The following MAD1L1 variants were observed in gnomAD, a reference collection of about 807,000 sequenced individuals.
MAD1L1 encodes mitotic spindle assembly checkpoint protein MAD1.
Under a neutral mutation model 96.9 loss-of-function variants are expected in MAD1L1, and 95 were observed. The observed-to-expected ratio is 0.98, with a 90% CI of 0.83 to 1.16. The LOEUF is 1.16. MAD1L1 is among the 50% of genes most tolerant of loss of function. The pLI is 0.00. For missense variants in MAD1L1, 1,007 were observed against 954.4 expected (o/e 1.06, Z -0.73); for synonymous variants, 473 against 396.6 (o/e 1.19, Z -2.29).
rs181310102 is a variant in MAD1L1, at chr7:2,153,282, C to T, written c.987-4044G>A. Among the ~76,000 whole-genome samples, 47 of 152,232 alleles carry T rather than the reference C, an allele frequency of 3.1e-4. No individual in the cohort carries two copies. The East Asian group carries it at 7.9e-3, about 26-fold the overall frequency. ...GAATGCAGGAAAATATCTGTCAACT[C>T]TTCGGCCAATAAGGGACTAACATCC... On this transcript the variant is annotated intron_variant, in intron 10 of 18. Coordinates refer to ENST00000265854, the MANE Select transcript of MAD1L1 (RefSeq NM_001013836.2).
intron 10 of MAD1L1, among the ~76,000 whole-genome samples, chr7:2,152,016 C>T (rs1361322755): frequency 7.6e-6 from 1 of 132,128 alleles, no homozygotes; most frequent in East Asian, 2.0e-4. Flanking sequence ...CAGGAGGCTG[C>T]TTCCGGGTGG....
intron 12 of MAD1L1, among the ~76,000 whole-genome samples, chr7:2,032,394 C>T (rs967509516): frequency 1.3e-5 from 2 of 152,194 alleles, no homozygotes; most frequent in Non-Finnish European, 1.5e-5. Context: ...GGTGGGAAAG[C>T]GCTTGCCCAG....
At chr7:1,861,332 A>G (rs1019581482) in intron 18 of MAD1L1, among the ~76,000 whole-genome samples, 6 of 152,194 alleles carry the variant, frequency 3.9e-5, no homozygotes, top group African/African-American at 1.4e-4. Flanking sequence ...TTTCCCAGTG[A>G]CAACGGGGCT....
intron 15 of MAD1L1, among the ~76,000 whole-genome samples, chr7:1,978,483 C>G (rs190633483): frequency 6.6e-6 from 1 of 152,320 alleles, no homozygotes; most frequent in African/African-American, 2.4e-5. Context: ...TTCCCCTCCC[C>G]AGGCCTGGCA....
At chr7:2,155,790 G>A (rs1016834273) in intron 10 of MAD1L1, among the ~76,000 whole-genome samples, 2 of 152,212 alleles carry the variant, frequency 1.3e-5, no homozygotes, top group Non-Finnish European at 2.9e-5. Context: ...TGTTCCAAAC[G>A]CTGCTTTTAA....
chr7:2,120,216 G>A (rs956447768), intron 11 of MAD1L1, among the ~76,000 whole-genome samples: 2 of 152,160 alleles, frequency 1.3e-5, no homozygotes, highest in African/African-American at 4.8e-5. Context: ...CTGTCCTTCA[G>A]GACCATTCCT....
chr7:2,220,236 C>A (rs1450665845), intron 5 of MAD1L1, among the ~76,000 whole-genome samples: 1 of 152,206 alleles, frequency 6.6e-6, no homozygotes, highest in Non-Finnish European at 1.5e-5. Context: ...GGCAGGAGCG[C>A]CCCTGGGGAG....
intron 18 of MAD1L1, among the ~76,000 whole-genome samples, chr7:1,868,514 T>A (rs1404436872): frequency 7.9e-6 from 1 of 126,262 alleles, no homozygotes; most frequent in Non-Finnish European, 1.7e-5. Flanking sequence ...ACAAAGAAAG[T>A]ACAGGCTCAG....
At chr7:2,081,335 G>A (rs759232042) in intron 11 of MAD1L1, among the ~76,000 whole-genome samples, 1 of 152,100 alleles carries the variant, frequency 6.6e-6, no homozygotes, top group Non-Finnish European at 1.5e-5. Flanking sequence ...AAAGTCCATC[G>A]AGTTCCCTCA....
At position 2,173,953 on chromosome 7, in the gene MAD1L1, G is replaced by A. The variant is rs75897964; in HGVS notation, c.987-24715C>T. On this transcript the variant is annotated intron_variant, in intron 10 of 18. Transcript: ENST00000265854. ...CCTGAGTACCTAGGACTACAAGCAG[G>A]CCAGCACACCCAGCTGCTGCTGCTA... 3.9e-4 allele frequency among the ~76,000 whole-genome samples: 60 copies of A among 152,216 alleles called. No individual in the cohort carries two copies. In the East Asian group the frequency reaches 0.01, roughly 25 times the overall value.
chr7:1,969,548 T>G (rs1488563115), intron 15 of MAD1L1, among the ~76,000 whole-genome samples: 8 of 152,126 alleles, frequency 5.3e-5, no homozygotes, highest in Non-Finnish European at 1.5e-5. Flanking sequence ...AGAAATAAAT[T>G]GTATCCAAAT....
intron 15 of MAD1L1, among the ~76,000 whole-genome samples, chr7:1,973,573 G>A (rs934691720): frequency 2.6e-5 from 4 of 152,122 alleles, no homozygotes; most frequent in Admixed American, 6.5e-5. Context: ...CCCCTAGAGC[G>A]GGAATGTGTA....
intron 11 of MAD1L1, among the ~76,000 whole-genome samples, chr7:2,095,460 T>C (rs1447925097): frequency 6.6e-6 from 1 of 152,234 alleles, no homozygotes; most frequent in Admixed American, 6.5e-5. Context: ...GCAGAAGAGA[T>C]GCAAAGCAGC....
chr7:1,938,432 C>A (rs1778725653), intron 16 of MAD1L1, among the ~76,000 whole-genome samples: 2 of 152,178 alleles, frequency 1.3e-5, no homozygotes, highest in African/African-American at 2.4e-5. Flanking sequence ...AAGAGTACAA[C>A]TGACCTTATA....
chr7:2,224,896 G>C (rs1237712692), intron 4 of MAD1L1, among the ~76,000 whole-genome samples: 4 of 152,114 alleles, frequency 2.6e-5, no homozygotes, highest in Non-Finnish European at 5.9e-5. Context: ...CCAAGACCCA[G>C]CATGGACCCG....
chr7:1,912,625 C>T (rs1788093769), intron 17 of MAD1L1, among the ~76,000 whole-genome samples: 1 of 152,168 alleles, frequency 6.6e-6, no homozygotes, highest in African/African-American at 2.4e-5. Context: ...GTCCTCAGAG[C>T]ACTCCCCTCT....
At chr7:2,021,253 A>C (rs1782776082) in intron 12 of MAD1L1, among the ~76,000 whole-genome samples, 1 of 152,172 alleles carries the variant, frequency 6.6e-6, no homozygotes, top group African/African-American at 2.4e-5. Flanking sequence ...CAAAAACTCC[A>C]CACTTAGCCA....
At chr7:1,851,693 G>A (rs1045400895) in intron 18 of MAD1L1, among the ~76,000 whole-genome samples, 6 of 152,202 alleles carry the variant, frequency 3.9e-5, no homozygotes, top group Non-Finnish European at 2.9e-5. Flanking sequence ...GGAAGGTGCT[G>A]GGGACACAGC....
At chr7:2,073,283 A>AC (rs1705077832) in intron 11 of MAD1L1, among the ~76,000 whole-genome samples, 1 of 152,114 alleles carries the variant, frequency 6.6e-6, no homozygotes, top group African/African-American at 2.4e-5. Flanking sequence ...TAATGCAAAA[A>AC]CTCACTCTGG....
Sources: gnomAD v4.1 joint callset for allele counts (sites outside exome capture counted in the v4.1 genomes callset) on GRCh38, gnomAD v4.1.1 for gene constraint, MANE v1.5 for transcripts, NCBI Gene and HGNC (gene_info 2026-07-23, HGNC 2026-07-21) for gene names.